Variants in CYP7B1 observed in about 807,000 individuals in gnomAD.
The protein encoded by CYP7B1 is cytochrome P450 family 7 subfamily B member 1.
CYP7B1 carries 29 observed loss-of-function variants against 42.7 expected under a neutral mutation model. That is an observed-to-expected ratio of 0.68 (90% CI 0.51 to 0.93). The LOEUF is 0.93. Ranked by LOEUF, CYP7B1 falls within the 40% of genes least tolerant of loss-of-function variation. The pLI is 0.00. For missense variants in CYP7B1, 655 were observed against 600.5 expected, an observed-to-expected ratio of 1.09 and a Z score of -0.95; for synonymous variants, 235 against 218.2, an observed-to-expected ratio of 1.08 and a Z score of -0.68.
In CYP7B1 at chr8:64,624,394, G is replaced by A; in HGVS notation, c.259+9C>T. On this transcript the variant is annotated intron_variant, in intron 2 of 5. Transcript: ENST00000310193. ...ACATATATAAGGTATTAATAGAAGT[G>A]CTTCTTACCACCAAGAAGAACTGTG... 1 of 1,612,842 alleles carries A rather than the reference G, an allele frequency of 6.2e-7. No individual in the cohort carries two copies.
chr8:64,767,790 C>G (rs1470739436), intron 1 of CYP7B1, among the ~76,000 whole-genome samples: 1 of 152,202 alleles, frequency 6.6e-6, no homozygotes, highest in East Asian at 1.9e-4. Context: ...AGAATCAAAG[C>G]TGTAAAACTA....
intron 1 of CYP7B1, among the ~76,000 whole-genome samples, chr8:64,644,644 G>T (rs1229001518): frequency 6.6e-6 from 1 of 152,090 alleles, no homozygotes; most frequent in Non-Finnish European, 1.5e-5. Context: ...TTTTTTCTCT[G>T]AGCAGTAGGT....
chr8:64,637,565 AT>A (rs1805791264), intron 1 of CYP7B1, among the ~76,000 whole-genome samples: 1 of 152,186 alleles, frequency 6.6e-6, no homozygotes, highest in South Asian at 2.1e-4. Context: ...GTATTAGAAC[AT>A]GGGACATAGA....
intron 1 of CYP7B1, among the ~76,000 whole-genome samples, chr8:64,729,680 G>T (rs769201573): frequency 6.6e-6 from 1 of 151,978 alleles, no homozygotes; most frequent in Non-Finnish European, 1.5e-5. Context: ...TGAATTTCTC[G>T]TCATGAAACT....
intron 4 of CYP7B1, among the ~76,000 whole-genome samples, chr8:64,606,291 G>C: frequency 6.6e-6 from 1 of 152,214 alleles, no homozygotes; most frequent in East Asian, 1.9e-4. Flanking sequence ...CTGACACGAT[G>C]GATTTCAGCT....
chr8:64,759,121 T>C (rs1240535522), intron 1 of CYP7B1, among the ~76,000 whole-genome samples: 1 of 152,202 alleles, frequency 6.6e-6, no homozygotes, highest in Non-Finnish European at 1.5e-5. Flanking sequence ...TCTAAATCAA[T>C]GATTGAGGAA....
At chr8:64,659,857 T>C (rs1038153954) in intron 1 of CYP7B1, among the ~76,000 whole-genome samples, 20 of 152,102 alleles carry the variant, frequency 1.3e-4, no homozygotes, top group African/African-American at 4.8e-4. Context: ...CCATCTTGAG[T>C]TTGTAAGAGA....
At chr8:64,631,602 A>G (rs1485159000) in intron 1 of CYP7B1, among the ~76,000 whole-genome samples, 2 of 152,220 alleles carry the variant, frequency 1.3e-5, no homozygotes, top group Non-Finnish European at 2.9e-5. Context: ...TCTGCATAGC[A>G]AAAGAAACAA....
At chr8:64,670,492 A>G (rs1189398466) in intron 1 of CYP7B1, among the ~76,000 whole-genome samples, 1 of 152,186 alleles carries the variant, frequency 6.6e-6, no homozygotes. Context: ...TACAGTCAGT[A>G]AAATATAACA....
At chr8:64,769,775 C>T (rs907757741) in intron 1 of CYP7B1, among the ~76,000 whole-genome samples, 4 of 152,082 alleles carry the variant, frequency 2.6e-5, no homozygotes, top group Non-Finnish European at 4.4e-5. Flanking sequence ...TCCCTGTCTC[C>T]GTGCCTTAAC....
intron 1 of CYP7B1, among the ~76,000 whole-genome samples, chr8:64,673,620 C>T (rs1806399057): frequency 6.6e-6 from 1 of 152,110 alleles, no homozygotes; most frequent in Non-Finnish European, 1.5e-5. Flanking sequence ...GTATTTTGAA[C>T]AGAATTATGA....
chr8:64,670,609 C>T (rs1806352308), intron 1 of CYP7B1, among the ~76,000 whole-genome samples: 1 of 152,206 alleles, frequency 6.6e-6, no homozygotes, highest in South Asian at 2.1e-4. Context: ...GCCACTCATT[C>T]TGCAGGAACC....
rs867348625 is a variant in CYP7B1 at position 64,735,439 on chromosome 8, G to C, written c.122+63027C>G. 2.4e-4 allele frequency among the ~76,000 whole-genome samples: 36 copies of C among 152,250 alleles called. No homozygotes were observed. In the Middle Eastern group the frequency reaches 0.014, roughly 58 times the overall value. On this transcript the variant is annotated intron_variant, in intron 1 of 5. Coordinates refer to ENST00000310193, the MANE Select transcript of CYP7B1 (RefSeq NM_004820.5). The stretch of plus-strand genomic sequence containing the variant: ...AGGATGACTAATCACAAGAGAAGGT[G>C]TCTATTTATATCTGGATAACAAAAC...
At chr8:64,629,819 T>A (rs1307096199) in intron 1 of CYP7B1, among the ~76,000 whole-genome samples, 1 of 152,236 alleles carries the variant, frequency 6.6e-6, no homozygotes, top group African/African-American at 2.4e-5. Flanking sequence ...TAATCAAGAA[T>A]TGCATGTTTG....
chr8:64,663,711 A>C (rs1033333361), intron 1 of CYP7B1, among the ~76,000 whole-genome samples: 4 of 152,104 alleles, frequency 2.6e-5, no homozygotes, highest in African/African-American at 9.7e-5. Flanking sequence ...AACTACAAAT[A>C]ATATGCAGGC....
intron 1 of CYP7B1, among the ~76,000 whole-genome samples, chr8:64,768,678 G>A (rs905735607): frequency 2.6e-5 from 4 of 152,134 alleles, no homozygotes; most frequent in African/African-American, 9.7e-5. Flanking sequence ...GTCTTATTGT[G>A]TCCAATTTAC....
rs73243427 is a variant in CYP7B1, at chr8:64,755,046, G to A, written c.122+43420C>T. ...ACTTTGGGGAATGGAGAGTCATTGA[G>A]GCCTATGGTGAGGCCAGAGGGGAAA... On this transcript the variant is annotated intron_variant, in intron 1 of 5. Transcript: ENST00000310193. Among the ~76,000 whole-genome samples the A allele has an allele frequency of 8.1e-3, 1,240 of 152,266 alleles. 14 individuals are homozygous for A. The highest frequency in any genetic ancestry group is 0.028 in the African/African-American group (1,176 of 41,532).
At chr8:64,724,912 C>G (rs1252572564) in intron 1 of CYP7B1, among the ~76,000 whole-genome samples, 1 of 152,198 alleles carries the variant, frequency 6.6e-6, no homozygotes, top group African/African-American at 2.4e-5. Context: ...TCTAACCTTC[C>G]CCTGTCTTTC....
intron 2 of CYP7B1, among the ~76,000 whole-genome samples, chr8:64,617,056 G>A (rs1341527519): frequency 1.3e-5 from 2 of 152,082 alleles, no homozygotes; most frequent in Non-Finnish European, 1.5e-5. Flanking sequence ...ATTGTGATAC[G>A]GCAGGGGTGA....
Sources: allele counts gnomAD v4.1 joint callset (sites outside exome capture counted in the v4.1 genomes callset), GRCh38; gene constraint gnomAD v4.1.1; transcripts MANE v1.5; gene names NCBI Gene and HGNC (gene_info 2026-07-23, HGNC 2026-07-21).